TRIM24: variants seen among roughly 807,000 people sequenced by gnomAD.
TRIM24 encodes the protein tripartite motif containing 24.
In TRIM24, 29 loss-of-function variants were observed where a neutral mutation model predicts 123.9. That is an observed-to-expected ratio of 0.23 (90% CI 0.17 to 0.32). The LOEUF is 0.32. TRIM24 is among the 10% of genes least tolerant of loss of function. The pLI is 1.00. For missense variants in TRIM24, 932 were observed against 1,295.3 expected (o/e 0.72, Z 4.31); for synonymous variants, 456 against 461.1 (o/e 0.99, Z 0.14).
chr7:138,538,939 T>C, intron 7 of TRIM24, 136 bp downstream of exon 7: 1 of 718,106 alleles, frequency 1.4e-6, no homozygotes, highest in Non-Finnish European at 2.0e-6. Flanking sequence ...AATATTTTGG[T>C]TTTAATATTT....
chr7:138,507,881 C>A (rs1408648654), intron 2 of TRIM24, among the ~76,000 whole-genome samples: 1 of 151,716 alleles, frequency 6.6e-6, no homozygotes, highest in African/African-American at 2.4e-5. Context: ...CTGCAGTGAG[C>A]CATAATCATG....
At chr7:138,497,744 G>A (rs1231132028) in intron 1 of TRIM24, among the ~76,000 whole-genome samples, 3 of 152,140 alleles carry the variant, frequency 2.0e-5, no homozygotes, top group African/African-American at 4.8e-5. Flanking sequence ...AGGCTGGAGT[G>A]CAGTGGTGCA....
chr7:138,501,357 A>G (rs1408397320), intron 1 of TRIM24, among the ~76,000 whole-genome samples: 1 of 151,894 alleles, frequency 6.6e-6, no homozygotes, highest in Non-Finnish European at 1.5e-5. Flanking sequence ...CAGCCTCCTG[A>G]GTAGCTGGGA....
In TRIM24 at chr7:138,529,223, A is replaced by G; in HGVS notation, c.989A>G (p.Gln330Arg). 6.6e-7 allele frequency: 1 copy of G among 1,513,124 alleles called. No individual in the cohort carries two copies. Among genetic ancestry groups the G allele is most frequent in the Admixed American group, 2.2e-5 (1 of 46,222 alleles). 93.7% of individuals were successfully genotyped at this position (1,513,124 alleles called of 1,614,324 possible). A position where few individuals can be genotyped will look rare whatever the true frequency, so the allele number is the denominator to read the frequency against. ...INKKGKALLH[Q>R]LESLAKDHRM... The stretch of plus-strand genomic sequence containing the variant: ...AAAAAAGGAAAAGCTCTACTGCATC[A>G]GTTAGAGGTAAGTGACTGCCCATGG... Residue 330 changes from glutamine to arginine, a missense_variant, in exon 6 of 19, where the codon CAG becomes CGG. By Grantham distance (43) the Gln-to-Arg change is conservative. Around this residue, in one of 7 missense-constraint regions of TRIM24, gnomAD observed 527 missense variants for 691.3 expected, o/e 0.76. Coordinates refer to ENST00000343526, the MANE Select transcript of TRIM24 (RefSeq NM_015905.3).
intron 1 of TRIM24, among the ~76,000 whole-genome samples, chr7:138,489,618 G>A (rs1364041578): frequency 6.6e-6 from 1 of 152,142 alleles, no homozygotes; most frequent in Non-Finnish European, 1.5e-5. Context: ...AGCTTGGTTT[G>A]ACTGGATGTG....
At chr7:138,488,191 C>A (rs997596226) in intron 1 of TRIM24, among the ~76,000 whole-genome samples, 1 of 151,692 alleles carries the variant, frequency 6.6e-6, no homozygotes, top group Non-Finnish European at 1.5e-5. Flanking sequence ...GTGGTGATAT[C>A]CCCTTTGTCA....
rs756656723 is a variant in TRIM24 at position 138,461,313 on chromosome 7, T to C, written c.364+401T>C. ...CAAAGCTTTGTCCAGGTCCATATGA[T>C]CCTGATCATCTCGTCTATACTCACG... On this transcript the variant is annotated intron_variant, in intron 1 of 18. Coordinates refer to ENST00000343526, the MANE Select transcript of TRIM24 (RefSeq NM_015905.3). 2.5e-5 allele frequency: 13 copies of C among 511,260 alleles called. 1 individual carries two copies. In the Middle Eastern group the frequency reaches 1.3e-3, roughly 51 times the overall value. 31.7% of individuals were successfully genotyped at this position (511,260 alleles called of 1,614,324 possible). A position where few individuals can be genotyped will look rare whatever the true frequency, so the allele number is the denominator to read the frequency against.
chr7:138,565,605 T>A (rs1167527988), intron 9 of TRIM24, among the ~76,000 whole-genome samples: 1 of 151,954 alleles, frequency 6.6e-6, no homozygotes, highest in South Asian at 2.1e-4. Context: ...CCCCAGAAAA[T>A]GTTTCAGGAA....
intron 11 of TRIM24, among the ~76,000 whole-genome samples, chr7:138,571,476 AG>A (rs1250166176): frequency 6.6e-6 from 1 of 152,214 alleles, no homozygotes; most frequent in East Asian, 1.9e-4. Context: ...CCGGAGTTAA[AG>A]GTGTTTGTAA....
intron 1 of TRIM24, among the ~76,000 whole-genome samples, chr7:138,502,146 A>G (rs1175225210): frequency 2.0e-5 from 3 of 152,240 alleles, no homozygotes; most frequent in Non-Finnish European, 4.4e-5. Context: ...GGGAGTCAAT[A>G]TAGATGAGAT....
intron 12 of TRIM24, among the ~76,000 whole-genome samples, chr7:138,574,371 G>C (rs1483071197): frequency 3.9e-5 from 6 of 152,152 alleles, no homozygotes; most frequent in Non-Finnish European, 5.9e-5. Context: ...GAGAATTTAA[G>C]TCACTCAACA....
intron 7 of TRIM24, among the ~76,000 whole-genome samples, chr7:138,548,473 C>T (rs900521673): frequency 1.5e-4 from 22 of 151,600 alleles, no homozygotes; most frequent in African/African-American, 5.3e-4. Flanking sequence ...ATGAATGGAG[C>T]TTGCAGGACT....
At position 138,586,894 on chromosome 7, in the gene TRIM24, AC is replaced by A. The variant is rs1193493235; in HGVS notation, c.*1944del. The A allele has an allele frequency of 6.6e-6, 1 of 152,236 alleles. No individual in the cohort carries two copies. The highest frequency in any genetic ancestry group is 1.9e-4 in the East Asian group (1 of 5,206). The allele number at this position is 152,236 out of a possible 1,614,324, so 9.4% of individuals were successfully genotyped here. On this transcript the variant is annotated 3_prime_UTR_variant, in exon 19 of 19. Transcript: ENST00000343526. Reference sequence around the variant, plus strand: ...GGGAGTTAGAACTTGTGAGACTAAAACTATAATTTCCTAAATGTGACTAATG... The same window carrying A: ...GGGAGTTAGAACTTGTGAGACTAAAATATAATTTCCTAAATGTGACTAATG...
chr7:138,503,625 GTTT>G (rs35048476), intron 1 of TRIM24, among the ~76,000 whole-genome samples: 1 of 135,842 alleles, frequency 7.4e-6, no homozygotes, highest in Non-Finnish European at 1.6e-5. Context: ...TTATATTAGA[GTTT>G]TTTTTTTTTT....
intron 2 of TRIM24, among the ~76,000 whole-genome samples, chr7:138,511,189 C>A: frequency 6.6e-6 from 1 of 152,108 alleles, no homozygotes; most frequent in East Asian, 1.9e-4. Context: ...TCTGGGGAGG[C>A]CTCAGGAAAC....
intron 7 of TRIM24, among the ~76,000 whole-genome samples, chr7:138,545,896 A>C (rs915457260): frequency 1.3e-5 from 2 of 152,242 alleles, no homozygotes; most frequent in Non-Finnish European, 2.9e-5. Context: ...CACTGAATTA[A>C]ATAAGATTAC....
chr7:138,551,633 G>A (rs757263598), intron 8 of TRIM24, among the ~76,000 whole-genome samples: 81 of 152,048 alleles, frequency 5.3e-4, no homozygotes, highest in Non-Finnish European at 1.0e-3. Context: ...TTGACTGACA[G>A]GGTGTCTAGA....
At chr7:138,558,967 G>A (rs914470092) in intron 9 of TRIM24, among the ~76,000 whole-genome samples, 1 of 152,164 alleles carries the variant, frequency 6.6e-6, no homozygotes, top group Non-Finnish European at 1.5e-5. Flanking sequence ...ATAGTGCCCT[G>A]TGGGGCCAAT....
In TRIM24 at chr7:138,525,339, G is replaced by A; in HGVS notation, c.863G>A (p.Gly288Glu). ...AAAACAAAATACATAAAATTCACAGGAAATCAGATCCAAAACAGGTAATTT... is the reference window on the plus strand; with the variant it reads ...AAAACAAAATACATAAAATTCACAGAAAATCAGATCCAAAACAGGTAATTT... ...MEKTKYIKFT[G>E]NQIQNRIIEV... The change falls in exon 5 of 19, where the codon GGA (glycine) becomes GAA (glutamate). Residue 288 changes from glycine (G) to glutamate (E), a missense_variant. Transcript: ENST00000343526. 1 of 1,515,050 alleles carries A rather than the reference G, an allele frequency of 6.6e-7. No homozygotes were observed. The highest frequency in any genetic ancestry group is 8.8e-7 in the Non-Finnish European group (1 of 1,131,778). The allele number at this position is 1,515,050 out of a possible 1,614,324, so 93.9% of individuals were successfully genotyped here.
Sources: allele counts gnomAD v4.1 joint callset (sites outside exome capture counted in the v4.1 genomes callset), GRCh38; gene constraint gnomAD v4.1.1; regional missense constraint gnomAD v4.1.1; transcripts MANE v1.5; gene names NCBI Gene and HGNC (gene_info 2026-07-23, HGNC 2026-07-21).